Variants in EEFSEC observed in about 807,000 individuals in gnomAD.
EEFSEC encodes eukaryotic elongation factor, selenocysteine-tRNA specific, also known as selenocysteine-specific elongation factor.
Under a neutral mutation model 42.1 loss-of-function variants are expected in EEFSEC, and 43 were observed. The ratio of observed to expected loss-of-function variants is 1.02; its 90% CI spans 0.80 to 1.32. The LOEUF (loss-of-function observed/expected upper bound fraction) is 1.32. Among genes scored for constraint, EEFSEC ranks in the 40% most tolerant of loss-of-function variants. The pLI is 0.00. For synonymous variants in EEFSEC, 354 were observed against 339.1 expected (o/e 1.04, Z -0.48); for missense variants, 745 against 803.6 (o/e 0.93, Z 0.88).
intron 4 of EEFSEC, among the ~76,000 whole-genome samples, chr3:128,273,292 T>C (rs2066433334): frequency 6.6e-6 from 1 of 152,094 alleles, no homozygotes; most frequent in African/African-American, 2.4e-5. Flanking sequence ...TATCCTGTTG[T>C]CTCCCTAAGG....
intron 6 of EEFSEC, among the ~76,000 whole-genome samples, chr3:128,397,800 G>A (rs1268159459): frequency 6.6e-6 from 1 of 152,284 alleles, no homozygotes; most frequent in Non-Finnish European, 1.5e-5. Flanking sequence ...TCTGGCCCAT[G>A]GATGGGGGGC....
At chr3:128,320,316 T>C (rs1440703780) in intron 4 of EEFSEC, among the ~76,000 whole-genome samples, 1 of 152,228 alleles carries the variant, frequency 6.6e-6, no homozygotes, top group Admixed American at 6.5e-5. Flanking sequence ...ATAATCCAAA[T>C]GAAGTTGGGA....
chr3:128,409,489 G>A (rs1317480414), downstream of EEFSEC, among the ~76,000 whole-genome samples: 3 of 152,162 alleles, frequency 2.0e-5, no homozygotes, highest in Non-Finnish European at 4.4e-5. Context: ...GACTGGCCCA[G>A]CCACCCTTCG....
chr3:128,335,106 G>C (rs894159406), intron 4 of EEFSEC, among the ~76,000 whole-genome samples: 1 of 152,248 alleles, frequency 6.6e-6, no homozygotes, highest in Non-Finnish European at 1.5e-5. Flanking sequence ...CCAAAAGAGG[G>C]CCCATGTGGC....
Position 128,341,259 on chromosome 3 carries a change from G to A in EEFSEC, c.813G>A (p.Gln271=), listed in dbSNP as rs1559929069. 1.2e-6 allele frequency: 2 copies of A among 1,612,238 alleles called. No individual in the cohort carries two copies. The highest frequency in any genetic ancestry group is 1.7e-6 in the Non-Finnish European group (2 of 1,179,160). The part of the protein sequence containing the change: ...LKVVKKVKSM[Q]MFHMPITSAM... Reference sequence around the variant, plus strand: ...TGGTGAAGAAGGTGAAGTCCATGCAGATGTTCCACATGCCCATCACTTCAG... The same window carrying A: ...TGGTGAAGAAGGTGAAGTCCATGCAAATGTTCCACATGCCCATCACTTCAG... Residue 271 remains glutamine, a synonymous_variant, in exon 5 of 7, where the codon CAG becomes CAA. Transcript: ENST00000254730.
At chr3:128,259,628 AT>A (rs1202939651) in intron 2 of EEFSEC, among the ~76,000 whole-genome samples, 2 of 152,222 alleles carry the variant, frequency 1.3e-5, no homozygotes, top group African/African-American at 2.4e-5. Flanking sequence ...AGGAAATTGT[AT>A]TCATTAAGCC....
chr3:128,406,583 CA>C (rs1205137196), intron 6 of EEFSEC, among the ~76,000 whole-genome samples: 7 of 152,060 alleles, frequency 4.6e-5, no homozygotes, highest in Middle Eastern at 3.4e-3. Context: ...TTAATCATTC[CA>C]AAATGTATAC....
At chr3:128,226,001 C>G (rs2065903675) in intron 1 of EEFSEC, among the ~76,000 whole-genome samples, 1 of 152,178 alleles carries the variant, frequency 6.6e-6, no homozygotes, top group South Asian at 2.1e-4. Context: ...TTCATTGATG[C>G]AAGAGATTGA....
chr3:128,243,132 G>C (rs1162555479), intron 1 of EEFSEC, among the ~76,000 whole-genome samples: 1 of 152,250 alleles, frequency 6.6e-6, no homozygotes, highest in Non-Finnish European at 1.5e-5. Flanking sequence ...CTGGTTCCCA[G>C]TGTGGCCAGT....
At chr3:128,196,022 C>T (rs1297809831) in intron 1 of EEFSEC, among the ~76,000 whole-genome samples, 1 of 152,256 alleles carries the variant, frequency 6.6e-6, no homozygotes, top group Admixed American at 6.5e-5. Context: ...GCCTGCAAAA[C>T]GGGGCCCTTG....
chr3:128,339,501 A>C (rs1172853061), intron 4 of EEFSEC, among the ~76,000 whole-genome samples: 1 of 152,234 alleles, frequency 6.6e-6, no homozygotes, highest in Non-Finnish European at 1.5e-5. Flanking sequence ...ACAGTGGATC[A>C]TAGGTAGGAA....
At chr3:128,420,488 G>T in the EEFSEC span, among the ~76,000 whole-genome samples, 2 of 152,186 alleles carry the variant, frequency 1.3e-5, no homozygotes, top group Non-Finnish European at 2.9e-5. Flanking sequence ...TGGCACAGAG[G>T]TGTGGGCGCC....
rs150534486 is a variant in EEFSEC at position 128,385,316 on chromosome 3, G to A, written c.1601-22753G>A. Among the ~76,000 whole-genome samples the A allele has an allele frequency of 3.5e-3, 532 of 152,370 alleles. 1 individual carries two copies. Among genetic ancestry groups the A allele is most frequent in the African/African-American group, 0.012 (492 of 41,592 alleles). On this transcript the variant is annotated intron_variant, in intron 6 of 6. Transcript: ENST00000254730. ...AGCCCGACTGGGGGACTGCAGTGGG[G>A]AGCGGGGAGTGTGGTGTACAGGGAC...
intron 6 of EEFSEC, among the ~76,000 whole-genome samples, chr3:128,379,520 CTGCAATTAACATAA>C (rs2067749058): frequency 6.6e-6 from 1 of 152,208 alleles, no homozygotes; most frequent in Non-Finnish European, 1.5e-5. Context: ...TTAAAAATAT[CTGCAATTAACATAA>C]ACACAGCCTA....
chr3:128,272,441 C>T (rs1429596180), intron 4 of EEFSEC, among the ~76,000 whole-genome samples: 2 of 152,164 alleles, frequency 1.3e-5, no homozygotes, highest in Non-Finnish European at 2.9e-5. Context: ...GACGCCTGGA[C>T]TCAGGGGCTG....
chr3:128,255,524 A>T (rs1331119202), intron 2 of EEFSEC, among the ~76,000 whole-genome samples: 1 of 151,764 alleles, frequency 6.6e-6, no homozygotes, highest in Non-Finnish European at 1.5e-5. Flanking sequence ...CCAGCCCCTC[A>T]CCCCCATTGC....
At chr3:128,336,186 A>G (rs1027509939) in intron 4 of EEFSEC, among the ~76,000 whole-genome samples, 33 of 152,076 alleles carry the variant, frequency 2.2e-4, no homozygotes, top group African/African-American at 7.5e-4. Context: ...CAGATCCTCA[A>G]ACTAGAAACC....
intron 6 of EEFSEC, among the ~76,000 whole-genome samples, chr3:128,361,769 T>C (rs2067528486): frequency 6.6e-6 from 1 of 152,220 alleles, no homozygotes; most frequent in African/African-American, 2.4e-5. Flanking sequence ...ACCTTGCCAT[T>C]TGCAGAATTG....
At chr3:128,182,543 G>T (rs1478192231) in intron 1 of EEFSEC, among the ~76,000 whole-genome samples, 1 of 152,150 alleles carries the variant, frequency 6.6e-6, no homozygotes, top group Non-Finnish European at 1.5e-5. Context: ...TTGGAGATGG[G>T]TCCATATTAC....
Sources: gnomAD v4.1 joint callset for allele counts (sites outside exome capture counted in the v4.1 genomes callset) on GRCh38, gnomAD v4.1.1 for gene constraint, MANE v1.5 for transcripts, NCBI Gene and HGNC (gene_info 2026-07-23, HGNC 2026-07-21) for gene names.